The following RBM47 variants were observed in gnomAD, a reference collection of about 807,000 sequenced individuals.
RBM47 encodes RNA binding motif protein 47, also known as RNA-binding protein 47.
RBM47 carries 21 observed loss-of-function variants against 47.1 expected under a neutral mutation model. That is an observed-to-expected ratio of 0.45 (90% confidence interval 0.32 to 0.64). The LOEUF (loss-of-function observed/expected upper bound fraction) is 0.64, where lower values mean the gene tolerates loss of function less well. Ranked by LOEUF, RBM47 falls within the 30% of genes least tolerant of loss-of-function variation. RBM47 has a pLI of 0.05. For missense variants in RBM47, 708 were observed against 870.9 expected (o/e 0.81, Z 2.35); for synonymous variants, 375 against 361.7 (o/e 1.04, Z -0.42).
chr4:40,552,081 G>C (rs2154264359), intron 1 of RBM47, among the ~76,000 whole-genome samples: 1 of 152,128 alleles, frequency 6.6e-6, no homozygotes, highest in East Asian at 1.9e-4. Flanking sequence ...GAAAAACATA[G>C]AGGCCCTAAG....
chr4:40,471,367 A>G lies in RBM47; in HGVS notation c.-154-4668T>C, dbSNP rs569778402. ...TATCCACTCAGGCCTGCTGCAATCAATCTAGGTCTCCTTACAGGCAAAGGG... is the reference window on the plus strand; with the variant it reads ...TATCCACTCAGGCCTGCTGCAATCAGTCTAGGTCTCCTTACAGGCAAAGGG... On this transcript the variant is annotated intron_variant, in intron 2 of 6. Coordinates refer to ENST00000295971, the MANE Select transcript of RBM47 (RefSeq NM_001098634.2). 4.6e-5 allele frequency among the ~76,000 whole-genome samples: 7 copies of G among 152,260 alleles called. No individual in the cohort carries two copies. The East Asian group carries it at 7.7e-4, about 17-fold the overall frequency.
chr4:40,427,454 G>C (rs567081080), intron 6 of RBM47: 128 of 152,290 alleles, frequency 8.4e-4, no homozygotes, highest in African/African-American at 3.0e-3. Context: ...GATGTTTTCA[G>C]AACAAACAGG....
chr4:40,604,524 G>T (rs1735569944), intron 1 of RBM47, among the ~76,000 whole-genome samples: 1 of 152,152 alleles, frequency 6.6e-6, no homozygotes, highest in Non-Finnish European at 1.5e-5. Flanking sequence ...CTACTTGGGA[G>T]GCTGAGGAGG....
At chr4:40,448,439 C>T (rs186128636) in intron 3 of RBM47, among the ~76,000 whole-genome samples, 2 of 152,182 alleles carry the variant, frequency 1.3e-5, no homozygotes, top group African/African-American at 4.8e-5. Context: ...GAATTTAATT[C>T]AGTGGAGGGT....
chr4:40,437,595 A>C (rs550811063), intron 4 of RBM47, among the ~76,000 whole-genome samples, 176 bp downstream of exon 4: 1 of 152,238 alleles, frequency 6.6e-6, no homozygotes, highest in East Asian at 1.9e-4. Context: ...GTGCTGCATA[A>C]GTGACGGCCT....
Position 40,573,948 on chromosome 4 carries a change from T to A in RBM47, c.-239-29442A>T, listed in dbSNP as rs1014574394. Among the ~76,000 whole-genome samples, 3 of 152,216 alleles carry A rather than the reference T, an allele frequency of 2.0e-5. No homozygotes were observed. In the East Asian group the frequency reaches 5.8e-4, roughly 29 times the overall value. ...TTCTGTAAAACTTTATAAAATTGTATTAGACATCTTTGGTTTAAATTTTCA... is the reference window on the plus strand; with the variant it reads ...TTCTGTAAAACTTTATAAAATTGTAATAGACATCTTTGGTTTAAATTTTCA... On this transcript the variant is annotated intron_variant, in intron 1 of 6. Coordinates refer to ENST00000295971, the MANE Select transcript of RBM47 (RefSeq NM_001098634.2).
chr4:40,423,794 G>A lies in RBM47; in HGVS notation c.*2110C>T, dbSNP rs981119134. 5 of 150,568 alleles carry A rather than the reference G, an allele frequency of 3.3e-5. No homozygotes were observed. Among genetic ancestry groups the A allele is most frequent in the African/African-American group, 9.8e-5 (4 of 40,686 alleles). The allele number at this position is 150,568 out of a possible 1,614,324, so 9.3% of individuals were successfully genotyped here. A position where few individuals can be genotyped will look rare whatever the true frequency, so the allele number is the denominator to read the frequency against. On this transcript the variant is annotated 3_prime_UTR_variant, in exon 7 of 7. Coordinates refer to ENST00000295971, the MANE Select transcript of RBM47 (RefSeq NM_001098634.2). ...ATATGTAAAATACAGTAAGAATACT[G>A]GGTCATAGTTTCATCCAGTGAAACT...
At chr4:40,622,024 G>A (rs574596568) in intron 1 of RBM47, among the ~76,000 whole-genome samples, 2 of 152,200 alleles carry the variant, frequency 1.3e-5, no homozygotes, top group Admixed American at 1.3e-4. Flanking sequence ...CGAGTAAAAC[G>A]CATTCAGTCA....
chr4:40,619,004 C>A (rs547650013), intron 1 of RBM47, among the ~76,000 whole-genome samples: 5 of 152,110 alleles, frequency 3.3e-5, no homozygotes, highest in African/African-American at 1.2e-4. Context: ...TTCCTCCAGG[C>A]CATCACCACA....
rs182194041 is a variant in RBM47, at chr4:40,425,003, G to C, written c.*901C>G. The C allele has an allele frequency of 6.6e-6, 1 of 151,330 alleles. No individual in the cohort carries two copies. Among genetic ancestry groups the C allele is most frequent in the Non-Finnish European group, 1.5e-5 (1 of 67,904 alleles). The allele number at this position is 151,330 out of a possible 1,614,324, so 9.4% of individuals were successfully genotyped here. On this transcript the variant is annotated 3_prime_UTR_variant, in exon 7 of 7. Coordinates refer to ENST00000295971, the MANE Select transcript of RBM47 (RefSeq NM_001098634.2). ...AACAAAAAAAAAAACAAAAAACAAC[G>C]AAACAACAAACCCCAACAAAAACCC...
intron 2 of RBM47, among the ~76,000 whole-genome samples, chr4:40,510,723 G>A (rs1003248739): frequency 1.3e-5 from 2 of 152,110 alleles, no homozygotes; most frequent in African/African-American, 4.8e-5. Context: ...AGAAAGAGTC[G>A]TGATTTATTA....
At chr4:40,480,303 C>G (rs1720213028) in intron 2 of RBM47, among the ~76,000 whole-genome samples, 1 of 152,040 alleles carries the variant, frequency 6.6e-6, no homozygotes, top group East Asian at 1.9e-4. Flanking sequence ...GATGAGAAAA[C>G]AAGAAATAAA....
intron 1 of RBM47, among the ~76,000 whole-genome samples, chr4:40,564,999 G>C (rs368417592): frequency 2.0e-4 from 31 of 152,324 alleles, no homozygotes; most frequent in African/African-American, 7.5e-4. Context: ...AATAGGTCCG[G>C]AAGTGAACGT....
chr4:40,582,898 T>C (rs547508962), intron 1 of RBM47, among the ~76,000 whole-genome samples: 1 of 152,332 alleles, frequency 6.6e-6, no homozygotes, highest in African/African-American at 2.4e-5. Flanking sequence ...CTTCCAACTC[T>C]ATCAGAGCAA....
chr4:40,551,683 C>G (rs1729578221), intron 1 of RBM47, among the ~76,000 whole-genome samples: 1 of 147,550 alleles, frequency 6.8e-6, no homozygotes, highest in Non-Finnish European at 1.5e-5. Context: ...GAGTCTCGCT[C>G]TCTTGCCCAG....
intron 2 of RBM47, among the ~76,000 whole-genome samples, chr4:40,496,508 T>C (rs2154248458): frequency 6.6e-6 from 1 of 152,290 alleles, no homozygotes; most frequent in Non-Finnish European, 1.5e-5. Flanking sequence ...GACATTCACA[T>C]AAACTCTTTA....
chr4:40,610,674 G>C (rs919136576), intron 1 of RBM47, among the ~76,000 whole-genome samples: 1 of 151,534 alleles, frequency 6.6e-6, no homozygotes, highest in Non-Finnish European at 1.5e-5. Flanking sequence ...GACATGGTTT[G>C]GCTGTGTTCC....
rs59488455 is a variant in RBM47, at chr4:40,500,546, G to A, written c.-154-33847C>T. Reference sequence around the variant, plus strand: ...GAATCACCTGAGCCCAGGAGGTCGAGGCTGCAGTGAGCCATGACTGTGCCT... The same window carrying A: ...GAATCACCTGAGCCCAGGAGGTCGAAGCTGCAGTGAGCCATGACTGTGCCT... On this transcript the variant is annotated intron_variant, in intron 2 of 6. Transcript: ENST00000295971. Among the ~76,000 whole-genome samples, 1,252 of 152,236 alleles carry A rather than the reference G, an allele frequency of 8.2e-3. 17 individuals carry two copies. Among genetic ancestry groups the A allele is most frequent in the African/African-American group, 0.029 (1,207 of 41,538 alleles).
intron 1 of RBM47, among the ~76,000 whole-genome samples, chr4:40,594,465 C>A (rs887521664): frequency 2.0e-5 from 3 of 152,128 alleles, no homozygotes; most frequent in Non-Finnish European, 4.4e-5. Context: ...TCTCATTATA[C>A]GGCTACACGT....
Sources: gnomAD v4.1 joint callset for allele counts (sites outside exome capture counted in the v4.1 genomes callset) on GRCh38, gnomAD v4.1.1 for gene constraint, MANE v1.5 for transcripts, NCBI Gene and HGNC (gene_info 2026-07-23, HGNC 2026-07-21) for gene names.